The following PALLD variants were observed in gnomAD, a reference collection of about 807,000 sequenced individuals.
PALLD encodes the protein palladin, cytoskeletal associated protein.
In PALLD, 61 loss-of-function variants were observed where a neutral mutation model predicts 123.5. The ratio of observed to expected loss-of-function variants is 0.49; its 90% CI spans 0.40 to 0.61. PALLD has a LOEUF of 0.61. PALLD is among the 20% of genes least tolerant of loss of function. The pLI, the probability that PALLD is intolerant of heterozygous loss-of-function variation, is 0.00. For missense variants in PALLD, 1,273 were observed against 1,377.0 expected (o/e 0.92, Z 1.20); for synonymous variants, 465 against 496.4 (o/e 0.94, Z 0.84).
At chr4:168,564,854 A>G (rs192078694) in intron 2 of PALLD, among the ~76,000 whole-genome samples, 10 of 152,238 alleles carry the variant, frequency 6.6e-5, no homozygotes, top group African/African-American at 2.4e-4. Context: ...ATTTGCTCCC[A>G]TAAGGGGACC....
chr4:168,600,196 G>T (rs13150267), intron 2 of PALLD, among the ~76,000 whole-genome samples: 6 of 151,996 alleles, frequency 3.9e-5, no homozygotes, highest in African/African-American at 1.4e-4. Flanking sequence ...AACGGTGTGC[G>T]TGTGTGTGTA....
chr4:168,826,714 T>C (rs1174023287), intron 10 of PALLD, among the ~76,000 whole-genome samples: 4 of 152,246 alleles, frequency 2.6e-5, no homozygotes, highest in Non-Finnish European at 1.5e-5. Context: ...CCCCACCTGC[T>C]ACATACCAAA....
chr4:168,800,912 T>C (rs984975790), intron 10 of PALLD, among the ~76,000 whole-genome samples: 3 of 152,150 alleles, frequency 2.0e-5, no homozygotes, highest in Admixed American at 2.0e-4. Flanking sequence ...AGTAATTCAA[T>C]TAAATATTAT....
chr4:168,550,098 T>A (rs1214321958), intron 2 of PALLD, among the ~76,000 whole-genome samples: 1 of 152,168 alleles, frequency 6.6e-6, no homozygotes, highest in Non-Finnish European at 1.5e-5. Flanking sequence ...CAGGTTCATC[T>A]CTCTCAATGC....
rs1023674369 is a variant in PALLD at position 168,628,297 on chromosome 4, A to G, written c.909-39893A>G. On this transcript the variant is annotated intron_variant, in intron 2 of 21. Transcript: ENST00000505667. ...TTAAACACAGGCATGGTTACTCTGC[A>G]CTGATATGCATGTAAGTCTCATCGT... 3.9e-5 allele frequency among the ~76,000 whole-genome samples: 6 copies of G among 152,230 alleles called. No individual in the cohort carries two copies. The South Asian group carries it at 1.2e-3, about 32-fold the overall frequency.
chr4:168,652,579 GCTAAA>G (rs1379878869), intron 2 of PALLD, among the ~76,000 whole-genome samples: 1 of 152,134 alleles, frequency 6.6e-6, no homozygotes, highest in East Asian at 1.9e-4. Flanking sequence ...ATGAAATAAG[GCTAAA>G]ACATGAACCT....
intron 8 of PALLD, among the ~76,000 whole-genome samples, chr4:168,706,936 C>T (rs1019629122): frequency 5.9e-5 from 9 of 151,764 alleles, no homozygotes; most frequent in Admixed American, 1.3e-4. Flanking sequence ...AAAGGGAATT[C>T]GATTATAAAG....
intron 2 of PALLD, among the ~76,000 whole-genome samples, chr4:168,634,823 A>G (rs951787880): frequency 2.0e-5 from 3 of 152,134 alleles, no homozygotes; most frequent in Admixed American, 6.5e-5. Flanking sequence ...TTTTTTTTAA[A>G]CATGGAAATT....
chr4:168,905,071 G>T (rs763111954), intron 15 of PALLD, among the ~76,000 whole-genome samples: 1 of 151,306 alleles, frequency 6.6e-6, no homozygotes, highest in Admixed American at 6.6e-5. Flanking sequence ...AGGTTTCAGT[G>T]AGCCAAGACT....
At chr4:168,848,551 A>C (rs992014717) in intron 10 of PALLD, among the ~76,000 whole-genome samples, 2 of 152,210 alleles carry the variant, frequency 1.3e-5, no homozygotes, top group Non-Finnish European at 2.9e-5. Flanking sequence ...AGGCACACTC[A>C]GTACATGAAG....
chr4:168,638,472 C>T (rs57157822), intron 2 of PALLD, among the ~76,000 whole-genome samples: 1,601 of 152,312 alleles, frequency 0.011, 32 homozygotes, highest in African/African-American at 0.036. Context: ...AGATCAGGTC[C>T]TTTGCTTAGT....
At position 168,557,032 on chromosome 4, in the gene PALLD, TTTTTG is replaced by T. The variant is rs56127507; in HGVS notation, c.908+44646_908+44650del. On this transcript the variant is annotated intron_variant, in intron 2 of 21. Transcript: ENST00000505667. ...GGCTCTCAACTCACATTTCCACTTG[TTTTTG>T]TTTTGTTTTGTTTTGTTTTGTTTTG... Among the ~76,000 whole-genome samples the T allele has an allele frequency of 8.0e-4, 120 of 150,646 alleles. 1 individual carries two copies. Among genetic ancestry groups the T allele is most frequent in the African/African-American group, 2.7e-3 (110 of 41,004 alleles).
chr4:168,664,774 A>G (rs1779465845), intron 2 of PALLD, among the ~76,000 whole-genome samples: 1 of 151,908 alleles, frequency 6.6e-6, no homozygotes, highest in Admixed American at 6.6e-5. Flanking sequence ...AGGAGGAAAA[A>G]AAAAAAAAAA....
chr4:168,835,329 A>G (rs1744990994), intron 10 of PALLD, among the ~76,000 whole-genome samples: 1 of 152,230 alleles, frequency 6.6e-6, no homozygotes, highest in Non-Finnish European at 1.5e-5. Context: ...CACTAACCAT[A>G]TACTTTTTAA....
At chr4:168,831,104 G>A (rs1744143773) in intron 10 of PALLD, among the ~76,000 whole-genome samples, 1 of 152,226 alleles carries the variant, frequency 6.6e-6, no homozygotes, top group Non-Finnish European at 1.5e-5. Context: ...GTTGTGACAT[G>A]GTGTGCCAAC....
At chr4:168,831,215 C>A (rs2150849377) in intron 10 of PALLD, among the ~76,000 whole-genome samples, 1 of 152,320 alleles carries the variant, frequency 6.6e-6, no homozygotes, top group African/African-American at 2.4e-5. Context: ...CACAATCTGT[C>A]ACAAATTTTG....
chr4:168,538,286 T>A (rs1765277747), intron 2 of PALLD, among the ~76,000 whole-genome samples: 3 of 152,284 alleles, frequency 2.0e-5, no homozygotes, highest in Middle Eastern at 3.4e-3. Context: ...CACTTCCTTT[T>A]TTCTATCTGG....
At position 168,563,421 on chromosome 4, in the gene PALLD, T is replaced by G. The variant is rs963655452; in HGVS notation, c.908+51009T>G. ...ATAACCAGAAACATCATGCTGTCAG[T>G]CAGATATCTTTCTATTACATCACTC... On this transcript the variant is annotated intron_variant, in intron 2 of 21. Coordinates refer to ENST00000505667, the MANE Select transcript of PALLD (RefSeq NM_001166108.2). Among the ~76,000 whole-genome samples the G allele has an allele frequency of 5.3e-5, 8 of 152,314 alleles. 1 individual carries two copies. The highest frequency in any genetic ancestry group is 2.6e-4 in the Admixed American group (4 of 15,304).
At chr4:168,737,040 C>T (rs1029527718) in intron 10 of PALLD, among the ~76,000 whole-genome samples, 11 of 152,132 alleles carry the variant, frequency 7.2e-5, no homozygotes, top group African/African-American at 2.7e-4. Context: ...TTTTGGAGCA[C>T]AATTGGAATA....
Sources: gnomAD v4.1 joint callset for allele counts (sites outside exome capture counted in the v4.1 genomes callset) on GRCh38, gnomAD v4.1.1 for gene constraint, MANE v1.5 for transcripts, NCBI Gene and HGNC (gene_info 2026-07-23, HGNC 2026-07-21) for gene names.